REC114: variants seen among roughly 807,000 people sequenced by gnomAD.
REC114 encodes the protein REC114 meiotic recombination protein.
REC114 carries 27 observed loss-of-function variants against 31.3 expected under a neutral mutation model. That is an observed-to-expected ratio of 0.86 (90% CI 0.64 to 1.19). REC114 has a LOEUF of 1.19. Ranked by LOEUF, REC114 falls within the 50% of genes most tolerant of loss-of-function variation. The pLI is 0.00. For synonymous variants in REC114, 134 were observed against 127.7 expected (o/e 1.05, Z -0.33); for missense variants, 344 against 326.9 (o/e 1.05, Z -0.40).
intron 2 of REC114, among the ~76,000 whole-genome samples, chr15:73,508,572 C>T (rs1893716718): frequency 6.8e-6 from 1 of 147,478 alleles, no homozygotes; most frequent in Non-Finnish European, 1.5e-5. Flanking sequence ...TTAGGTATAT[C>T]TCCCAATGCT....
chr15:73,496,701 C>G (rs918085303), intron 2 of REC114, among the ~76,000 whole-genome samples: 3 of 151,380 alleles, frequency 2.0e-5, no homozygotes, highest in Non-Finnish European at 4.4e-5. Flanking sequence ...TGTGTTTATA[C>G]CATTCACCCA....
intron 1 of REC114, among the ~76,000 whole-genome samples, chr15:73,448,919 AAAAC>A (rs1892804105): frequency 1.3e-5 from 2 of 152,196 alleles, no homozygotes; most frequent in African/African-American, 4.8e-5. Context: ...TGTTAGAAGG[AAAAC>A]AAACAAACAG....
chr15:73,515,021 C>G (rs1295792628), intron 2 of REC114, among the ~76,000 whole-genome samples: 1 of 151,322 alleles, frequency 6.6e-6, no homozygotes, highest in Non-Finnish European at 1.5e-5. Flanking sequence ...CTTACTGCAG[C>G]CTCAACCTCC....
At chr15:73,496,227 C>G (rs1893521415) in intron 2 of REC114, among the ~76,000 whole-genome samples, 1 of 151,496 alleles carries the variant, frequency 6.6e-6, no homozygotes, top group South Asian at 2.1e-4. Flanking sequence ...TGGTGAACGT[C>G]TGTGGTCCCA....
rs151331248 is a variant in REC114, at chr15:73,455,851, G to C, written c.159+12507G>C. On this transcript the variant is annotated intron_variant, in intron 1 of 5. Transcript: ENST00000331090. Reference sequence around the variant, plus strand: ...TGTTAAAAATGCAAATTCTGACTCAGTCAGAATAGGTCTGGTATGGGGAAT... The same window carrying C: ...TGTTAAAAATGCAAATTCTGACTCACTCAGAATAGGTCTGGTATGGGGAAT... Among the ~76,000 whole-genome samples the C allele has an allele frequency of 3.7e-3, 564 of 152,270 alleles. 1 individual carries two copies. Among genetic ancestry groups the C allele is most frequent in the Non-Finnish European group, 5.9e-3 (399 of 68,010 alleles).
At chr15:73,510,342 G>A (rs1595873781) in intron 2 of REC114, among the ~76,000 whole-genome samples, 1 of 152,158 alleles carries the variant, frequency 6.6e-6, no homozygotes, top group Non-Finnish European at 1.5e-5. Context: ...GAGATTTTGG[G>A]CTGAGACAAT....
At chr15:73,457,341 C>T (rs565495940) in intron 1 of REC114, among the ~76,000 whole-genome samples, 1 of 152,176 alleles carries the variant, frequency 6.6e-6, no homozygotes, top group East Asian at 1.9e-4. Flanking sequence ...TTTCCTTACG[C>T]ATATATATAT....
intron 2 of REC114, among the ~76,000 whole-genome samples, chr15:73,526,065 T>G (rs1894002831): frequency 6.6e-6 from 1 of 152,230 alleles, no homozygotes; most frequent in Admixed American, 6.5e-5. Flanking sequence ...ATTTAACCCT[T>G]TATCATAATG....
intron 2 of REC114, among the ~76,000 whole-genome samples, chr15:73,476,608 C>A (rs550734629): frequency 6.6e-6 from 1 of 152,236 alleles, no homozygotes; most frequent in Admixed American, 6.5e-5. Flanking sequence ...TTTGCCTTTT[C>A]TAGAATTCAT....
At chr15:73,493,361 T>C (rs1045456652) in intron 2 of REC114, among the ~76,000 whole-genome samples, 1 of 152,216 alleles carries the variant, frequency 6.6e-6, no homozygotes, top group African/African-American at 2.4e-5. Flanking sequence ...TTTCTGAATT[T>C]AGTTTTTTTG....
chr15:73,461,657 A>G (rs1892988144), intron 1 of REC114, among the ~76,000 whole-genome samples: 1 of 152,060 alleles, frequency 6.6e-6, no homozygotes, highest in Non-Finnish European at 1.5e-5. Flanking sequence ...TAACCAATAT[A>G]TAGGTTGTGC....
At chr15:73,456,550 G>A (rs916331768) in intron 1 of REC114, among the ~76,000 whole-genome samples, 1 of 152,038 alleles carries the variant, frequency 6.6e-6, no homozygotes. Context: ...CCAAGTATAT[G>A]ATAGATGCTC....
At chr15:73,553,723 T>C (rs555293650) in intron 4 of REC114, among the ~76,000 whole-genome samples, 1 of 152,364 alleles carries the variant, frequency 6.6e-6, no homozygotes, top group South Asian at 2.1e-4. Context: ...TCTCTGATGT[T>C]AAAGACTGGT....
intron 4 of REC114, among the ~76,000 whole-genome samples, chr15:73,551,609 AAACT>A (rs1430613138): frequency 2.0e-5 from 3 of 152,214 alleles, no homozygotes; most frequent in Non-Finnish European, 4.4e-5. Context: ...CAGTAAGAAC[AAACT>A]AACGAAATAA....
intron 3 of REC114, among the ~76,000 whole-genome samples, chr15:73,542,295 C>T (rs1024210207): frequency 3.4e-5 from 5 of 147,398 alleles, no homozygotes; most frequent in Non-Finnish European, 7.4e-5. Flanking sequence ...CGCACCACTA[C>T]ACTCCAGCAT....
intron 2 of REC114, among the ~76,000 whole-genome samples, chr15:73,531,060 T>C (rs1894074031): frequency 6.6e-6 from 1 of 152,184 alleles, no homozygotes; most frequent in Admixed American, 6.5e-5. Flanking sequence ...TAAAATGCTG[T>C]TTTCTTCAAA....
At chr15:73,459,713 GAACC>G (rs1892964903) in intron 1 of REC114, among the ~76,000 whole-genome samples, 1 of 152,164 alleles carries the variant, frequency 6.6e-6, no homozygotes, top group Non-Finnish European at 1.5e-5. Flanking sequence ...AATGTGAGCA[GAACC>G]AACTGTCATG....
chr15:73,479,407 G>A (rs746318342), intron 2 of REC114, among the ~76,000 whole-genome samples: 39 of 151,476 alleles, frequency 2.6e-4, no homozygotes, highest in Admixed American at 6.6e-4. Context: ...TTAACATATC[G>A]TTACCTCACA....
intron 3 of REC114, among the ~76,000 whole-genome samples, chr15:73,542,154 A>G (rs1894246785): frequency 6.6e-6 from 1 of 151,864 alleles, no homozygotes; most frequent in African/African-American, 2.4e-5. Context: ...AACGTGATGA[A>G]ACCCCATCTT....
Sources: gnomAD v4.1 joint callset for allele counts (sites outside exome capture counted in the v4.1 genomes callset) on GRCh38, gnomAD v4.1.1 for gene constraint, MANE v1.5 for transcripts, NCBI Gene and HGNC (gene_info 2026-07-23, HGNC 2026-07-21) for gene names.